The following STPG2 variants were observed in gnomAD, a reference collection of about 807,000 sequenced individuals.
The protein encoded by STPG2 is sperm tail PG-rich repeat containing 2.
A neutral mutation model predicts 54.2 loss-of-function variants in STPG2; 56 were observed. The observed-to-expected ratio is 1.03, with a 90% CI of 0.83 to 1.29. The LOEUF (loss-of-function observed/expected upper bound fraction) is 1.29, where lower values mean the gene tolerates loss of function less well. Among genes scored for constraint, STPG2 ranks in the 50% most tolerant of loss-of-function variants. STPG2 has a pLI of 0.00. For missense variants in STPG2, 596 were observed against 544.9 expected, an observed-to-expected ratio of 1.09 and a Z score of -0.93; for synonymous variants, 200 against 181.8, an observed-to-expected ratio of 1.10 and a Z score of -0.81.
At chr4:98,016,485 A>T (rs763421363) in intron 5 of STPG2, among the ~76,000 whole-genome samples, 1 of 151,858 alleles carries the variant, frequency 6.6e-6, no homozygotes, top group African/African-American at 2.4e-5. Flanking sequence ...GGGTAATTTC[A>T]AATAACCTGT....
intron 4 of STPG2, among the ~76,000 whole-genome samples, chr4:97,502,730 C>A (rs1730753064): frequency 1.3e-5 from 2 of 150,812 alleles, no homozygotes; most frequent in African/African-American, 4.9e-5. Context: ...TAATATAAAC[C>A]CTGACAAAAA....
At chr4:97,857,789 A>G (rs1729381760) in intron 8 of STPG2, among the ~76,000 whole-genome samples, 1 of 152,104 alleles carries the variant, frequency 6.6e-6, no homozygotes, top group Non-Finnish European at 1.5e-5. Context: ...AAAGAAATTC[A>G]AGAGAACACA....
intron 8 of STPG2, among the ~76,000 whole-genome samples, chr4:97,884,940 G>C (rs752250176): frequency 6.6e-6 from 1 of 151,840 alleles, no homozygotes; most frequent in Non-Finnish European, 1.5e-5. Flanking sequence ...CCTACACAAA[G>C]ATATTATGAA....
At chr4:98,024,316 G>T (rs1485055061) in intron 5 of STPG2, among the ~76,000 whole-genome samples, 1 of 152,162 alleles carries the variant, frequency 6.6e-6, no homozygotes, top group African/African-American at 2.4e-5. Flanking sequence ...TTGTCTAGTA[G>T]TTTCACTGCT....
At chr4:97,993,632 A>G (rs1004956314) in intron 5 of STPG2, among the ~76,000 whole-genome samples, 3 of 150,876 alleles carry the variant, frequency 2.0e-5, no homozygotes, top group African/African-American at 7.3e-5. Flanking sequence ...TTCCCTCTCT[A>G]TCTTGTGGGA....
chr4:97,700,054 T>C (rs530177443), intron 10 of STPG2, among the ~76,000 whole-genome samples: 98 of 152,292 alleles, frequency 6.4e-4, no homozygotes, highest in Admixed American at 1.7e-3. Flanking sequence ...GTTCAGTTTC[T>C]ACCAAAGCCC....
chr4:97,482,465 G>A (rs373020721), intron 4 of STPG2, among the ~76,000 whole-genome samples: 15 of 151,532 alleles, frequency 9.9e-5, no homozygotes, highest in African/African-American at 3.4e-4. Context: ...GAAATTCAGA[G>A]CTCAAAGACA....
intron 10 of STPG2, among the ~76,000 whole-genome samples, chr4:97,670,776 A>G (rs1206583276): frequency 6.6e-6 from 1 of 152,208 alleles, no homozygotes; most frequent in Non-Finnish European, 1.5e-5. Flanking sequence ...AGGCAGATGT[A>G]CTGACACATT....
chr4:98,105,891 A>T (rs1739174100), intron 5 of STPG2, 62 bp downstream of exon 5: 2 of 1,389,426 alleles, frequency 1.4e-6, no homozygotes, highest in Non-Finnish European at 2.0e-6. Context: ...TAACCTTGTG[A>T]TAACAGGATT....
intron 9 of STPG2, among the ~76,000 whole-genome samples, chr4:97,754,607 A>G (rs923601071): frequency 1.3e-5 from 2 of 152,108 alleles, no homozygotes; most frequent in Non-Finnish European, 2.9e-5. Context: ...TCCCACTTCT[A>G]TGAACTCCAA....
Position 97,841,086 on chromosome 4 carries a change from T to C in STPG2, c.1045-154A>G, listed in dbSNP as rs987582. On this transcript the variant is annotated intron_variant, in intron 8 of 10. Coordinates refer to ENST00000295268, the MANE Select transcript of STPG2 (RefSeq NM_174952.3). The stretch of plus-strand genomic sequence containing the variant: ...AAATAGAAACTTAAAAAGGAATTCT[T>C]AAATCTAGCCTGCCTAATAAAAATG... 3.1e-3 allele frequency among the ~76,000 whole-genome samples: 465 copies of C among 151,800 alleles called. 12 individuals are homozygous for C. Among genetic ancestry groups the C allele is most frequent in the Admixed American group, 0.025 (382 of 15,166 alleles).
intron 8 of STPG2, among the ~76,000 whole-genome samples, chr4:97,850,765 C>T (rs548287234): frequency 6.6e-6 from 1 of 152,106 alleles, no homozygotes; most frequent in Non-Finnish European, 1.5e-5. Flanking sequence ...TGCCAAATAA[C>T]TACCCTCAAG....
chr4:97,519,017 A>G (rs551139546), intron 4 of STPG2, among the ~76,000 whole-genome samples: 1 of 152,138 alleles, frequency 6.6e-6, no homozygotes, highest in African/African-American at 2.4e-5. Flanking sequence ...TTTAGATTCT[A>G]AGGGACAGTA....
intron 7 of STPG2, among the ~76,000 whole-genome samples, chr4:97,966,190 G>A (rs900135028): frequency 2.6e-5 from 4 of 152,172 alleles, no homozygotes; most frequent in Admixed American, 6.5e-5. Flanking sequence ...GACCTTACGT[G>A]ACCTGACAGA....
chr4:97,639,531 G>C (rs187363302), intron 10 of STPG2, among the ~76,000 whole-genome samples: 8 of 150,702 alleles, frequency 5.3e-5, no homozygotes, highest in Non-Finnish European at 1.5e-5. Context: ...ACTGATTCAC[G>C]TAAGAACTTC....
chr4:97,544,834 CAGCAGAA>C lies in STPG2; in HGVS notation c.462+167858_462+167864del, dbSNP rs544339594. ...TATTTCCAGTATATAGCTTATTACC[CAGCAGAA>C]AGCAGACACATCATAGATATTTCAA... On this transcript the variant is annotated intron_variant, in intron 4 of 4. Coordinates refer to the STPG2 transcript ENST00000522676. Among the ~76,000 whole-genome samples the C allele has an allele frequency of 3.3e-5, 5 of 152,112 alleles. No homozygotes were observed. The South Asian group carries it at 1.0e-3, about 31-fold the overall frequency.
At chr4:98,040,673 A>G (rs772291277) in intron 5 of STPG2, among the ~76,000 whole-genome samples, 2 of 151,778 alleles carry the variant, frequency 1.3e-5, no homozygotes, top group Non-Finnish European at 2.9e-5. Context: ...CCATTGATCT[A>G]TGTGTCTATT....
intron 8 of STPG2, among the ~76,000 whole-genome samples, chr4:97,899,874 GACA>G (rs1165619123): frequency 6.6e-6 from 1 of 152,098 alleles, no homozygotes; most frequent in Non-Finnish European, 1.5e-5. Context: ...AACCCTTGAA[GACA>G]ACCTAGGCAA....
At chr4:97,741,378 T>C (rs1037644580) in intron 9 of STPG2, among the ~76,000 whole-genome samples, 2 of 151,986 alleles carry the variant, frequency 1.3e-5, no homozygotes, top group Non-Finnish European at 2.9e-5. Flanking sequence ...CTCATTAAAC[T>C]AAAGAGCTTC....
Sources: allele counts gnomAD v4.1 joint callset (sites outside exome capture counted in the v4.1 genomes callset), GRCh38; gene constraint gnomAD v4.1.1; transcripts MANE v1.5; gene names NCBI Gene and HGNC (gene_info 2026-07-23, HGNC 2026-07-21).